The following RHOT1 variants were observed in gnomAD, a reference collection of about 807,000 sequenced individuals.
RHOT1 encodes mitochondrial Rho GTPase 1.
RHOT1 carries 27 observed loss-of-function variants against 95.3 expected under a neutral mutation model. That is an observed-to-expected ratio of 0.28 (90% confidence interval 0.21 to 0.39). The LOEUF is 0.39. Ranked by LOEUF, RHOT1 falls within the 10% of genes least tolerant of loss-of-function variation. The pLI is 1.00. For synonymous variants in RHOT1, 227 were observed against 263.5 expected (o/e 0.86, Z 1.34); for missense variants, 578 against 786.7 (o/e 0.73, Z 3.17).
intron 19 of RHOT1, among the ~76,000 whole-genome samples, chr17:32,212,676 T>A (rs555930567): frequency 8.5e-5 from 13 of 152,226 alleles, no homozygotes; most frequent in African/African-American, 2.4e-4. Flanking sequence ...TTTTATTATT[T>A]TTTTTTAACT....
chr17:32,149,631 ATATATGTGTGTGTG>A (rs1384928389), intron 1 of RHOT1, among the ~76,000 whole-genome samples: 15 of 88,178 alleles, frequency 1.7e-4, no homozygotes, highest in Admixed American at 4.5e-4. Context: ...ATATATATAT[ATATATGTGTGTGTG>A]TGTGTGTGTG....
intron 1 of RHOT1, among the ~76,000 whole-genome samples, chr17:32,169,003 T>C (rs1335558906): frequency 6.6e-6 from 1 of 152,170 alleles, no homozygotes; most frequent in Non-Finnish European, 1.5e-5. Context: ...GGCCTAAACC[T>C]TCTTACACAA....
chr17:32,176,037 C>T (rs1257934579), intron 5 of RHOT1, 22 bp downstream of exon 5: 2 of 1,601,072 alleles, frequency 1.2e-6, no homozygotes, highest in Non-Finnish European at 1.7e-6. Context: ...CTTTTTTTCC[C>T]TATAGTTGGT....
At chr17:32,176,823 G>A (rs2035049574) in intron 6 of RHOT1, among the ~76,000 whole-genome samples, 1 of 151,962 alleles carries the variant, frequency 6.6e-6, no homozygotes, top group Non-Finnish European at 1.5e-5. Flanking sequence ...TGCTCGCCTT[G>A]GCCTCCCAAA....
intron 1 of RHOT1, among the ~76,000 whole-genome samples, chr17:32,169,599 G>A (rs2034401887): frequency 1.3e-5 from 2 of 152,166 alleles, no homozygotes; most frequent in South Asian, 4.1e-4. Flanking sequence ...ATTCGTTTTT[G>A]GAGATAATTT....
intron 1 of RHOT1, among the ~76,000 whole-genome samples, chr17:32,148,740 G>A (rs1011871053): frequency 6.6e-6 from 1 of 152,218 alleles, no homozygotes; most frequent in African/African-American, 2.4e-5. Context: ...AAAATGAGGA[G>A]TAGTTCTCTT....
intron 6 of RHOT1, among the ~76,000 whole-genome samples, chr17:32,178,654 G>T (rs1040677153): frequency 2.1e-5 from 3 of 144,284 alleles, no homozygotes; most frequent in African/African-American, 7.8e-5. Context: ...GCTGCCCATC[G>T]TCTGGGATGT....
chr17:32,169,932 C>G (rs1219967759), intron 1 of RHOT1, among the ~76,000 whole-genome samples: 1 of 151,902 alleles, frequency 6.6e-6, no homozygotes, highest in African/African-American at 2.4e-5. Context: ...TCACCCAAGC[C>G]TGGGGAGGTT....
chr17:32,159,184 T>C (rs2033287716), intron 1 of RHOT1: 1 of 152,548 alleles, frequency 6.6e-6, no homozygotes, highest in Admixed American at 6.5e-5. Flanking sequence ...TGTGCGGGGT[T>C]GGCCGGGGCT....
chr17:32,222,395 CT>C (rs2038888626), intron 19 of RHOT1, among the ~76,000 whole-genome samples: 1 of 152,098 alleles, frequency 6.6e-6, no homozygotes, highest in African/African-American at 2.4e-5. Context: ...CTGTTGAATA[CT>C]TATGGTTACT....
chr17:32,162,227 C>T (rs889582624), intron 1 of RHOT1, among the ~76,000 whole-genome samples: 1 of 152,034 alleles, frequency 6.6e-6, no homozygotes, highest in Admixed American at 6.6e-5. Flanking sequence ...CCCCTCCTCC[C>T]CACGTGAGTC....
chr17:32,208,436 A>T lies in RHOT1; in HGVS notation c.1739+127A>T, dbSNP rs1435870377. ...CAACAGAAAGATACTTTGTAATGAG[A>T]AGGTACAAATTTGAGTAAATGCAAG... is the stretch of plus-strand genomic sequence containing the variant. On this transcript the variant is annotated intron_variant, in intron 18 of 19. Transcript: ENST00000545287. The T allele has an allele frequency of 4.2e-6, 4 of 959,526 alleles. No individual in the cohort carries two copies. The Admixed American group carries it at 6.2e-5, about 15-fold the overall frequency. The allele number at this position is 959,526 out of a possible 1,614,324, so 59.4% of individuals were successfully genotyped here.
At chr17:32,158,922 A>G (rs1005893216) in intron 1 of RHOT1, among the ~76,000 whole-genome samples, 1 of 152,142 alleles carries the variant, frequency 6.6e-6, no homozygotes, top group African/African-American at 2.4e-5. Context: ...TGCAGCAGGG[A>G]GGCGCAAGCG....
chr17:32,185,834 C>T (rs1362079204), intron 8 of RHOT1, among the ~76,000 whole-genome samples: 1 of 151,920 alleles, frequency 6.6e-6, no homozygotes, highest in Non-Finnish European at 1.5e-5. Context: ...CATCCTCCCA[C>T]CTCAGCCTCC....
rs369538827 is a variant in RHOT1 at position 32,152,802 on chromosome 17, CTT to C, written c.37+10085_37+10086del. Among the ~76,000 whole-genome samples, 230 of 145,482 alleles carry C rather than the reference CTT, an allele frequency of 1.6e-3. 1 individual carries two copies. The highest frequency in any genetic ancestry group is 5.4e-3 in the African/African-American group (218 of 40,006). On this transcript the variant is annotated intron_variant, in intron 1 of 19. Coordinates refer to ENST00000545287, the MANE Select transcript of RHOT1 (RefSeq NM_001033566.3). ...GCTTAATTTTGATCACATTATTTAT[CTT>C]TTTTTTTTTTTCTTTTTGAGACAGG...
intron 16 of RHOT1, 113 bp from the exon 17 acceptor site, chr17:32,206,797 T>C: frequency 2.5e-6 from 2 of 800,672 alleles, no homozygotes; most frequent in Non-Finnish European, 3.8e-6. Context: ...AAAGTTATGC[T>C]TAACCAGTAC....
intron 13 of RHOT1, among the ~76,000 whole-genome samples, chr17:32,200,202 T>C (rs977504654): frequency 1.3e-5 from 2 of 152,210 alleles, no homozygotes; most frequent in African/African-American, 4.8e-5. Context: ...TATATTTTTA[T>C]CATTTTTGGG....
intron 3 of RHOT1, among the ~76,000 whole-genome samples, chr17:32,174,262 AT>A (rs2034816096): frequency 6.6e-6 from 1 of 152,178 alleles, no homozygotes; most frequent in Non-Finnish European, 1.5e-5. Context: ...TATGTCATTA[AT>A]TTTTCTATTG....
At chr17:32,153,394 C>T (rs1218941647) in intron 1 of RHOT1, among the ~76,000 whole-genome samples, 1 of 152,184 alleles carries the variant, frequency 6.6e-6, no homozygotes, top group Non-Finnish European at 1.5e-5. Context: ...CTCTGTGGCT[C>T]ATGCCTATAA....
Sources: allele counts gnomAD v4.1 joint callset (sites outside exome capture counted in the v4.1 genomes callset), GRCh38; gene constraint gnomAD v4.1.1; transcripts MANE v1.5; gene names NCBI Gene and HGNC (gene_info 2026-07-23, HGNC 2026-07-21).